DLG2: variants seen among roughly 807,000 people sequenced by gnomAD.
DLG2 encodes the protein discs large MAGUK scaffold protein 2.
Under a neutral mutation model 132.5 loss-of-function variants are expected in DLG2, and 45 were observed. The ratio of observed to expected loss-of-function variants is 0.34; its 90% CI spans 0.27 to 0.44. DLG2 has a LOEUF of 0.44. DLG2 is among the 20% of genes least tolerant of loss of function. DLG2 has a pLI of 1.00. For synonymous variants in DLG2, 424 were observed against 419.6 expected (o/e 1.01, Z -0.13); for missense variants, 1,045 against 1,196.9 (o/e 0.87, Z 1.87).
chr11:83,571,250 C>T (rs1306427507), intron 19 of DLG2, among the ~76,000 whole-genome samples: 1 of 151,876 alleles, frequency 6.6e-6, no homozygotes, highest in Non-Finnish European at 1.5e-5. Context: ...TATTCAAGTA[C>T]TTTAACTCAA....
intron 4 of DLG2, among the ~76,000 whole-genome samples, chr11:85,166,384 G>T (rs1279127659): frequency 2.0e-5 from 3 of 151,934 alleles, no homozygotes; most frequent in African/African-American, 7.2e-5. Flanking sequence ...AATCACACTG[G>T]TACCTCAAAT....
At chr11:84,289,031 T>C (rs146816916) in intron 7 of DLG2, among the ~76,000 whole-genome samples, 1 of 152,258 alleles carries the variant, frequency 6.6e-6, no homozygotes, top group East Asian at 1.9e-4. Flanking sequence ...TCATATTCTT[T>C]TGGAGTCCTT....
intron 15 of DLG2, among the ~76,000 whole-genome samples, chr11:83,909,404 G>A (rs78629640): frequency 0.014 from 2,190 of 152,204 alleles, 50 homozygotes; most frequent in African/African-American, 0.05. Flanking sequence ...ATAATAATTC[G>A]TGGCAGTAAA....
intron 3 of DLG2, among the ~76,000 whole-genome samples, chr11:85,492,599 C>A (rs780099074): frequency 6.6e-6 from 1 of 152,050 alleles, no homozygotes; most frequent in Non-Finnish European, 1.5e-5. Context: ...TGGAGAAGTA[C>A]AGAAAATAGA....
intron 17 of DLG2, among the ~76,000 whole-genome samples, chr11:83,811,544 C>T (rs1240865822): frequency 3.3e-5 from 5 of 152,056 alleles, no homozygotes; most frequent in Non-Finnish European, 7.4e-5. Flanking sequence ...TATTTCCTCA[C>T]TAAAAAGTAT....
chr11:85,456,541 T>G (rs2092428437), intron 3 of DLG2, among the ~76,000 whole-genome samples: 1 of 152,164 alleles, frequency 6.6e-6, no homozygotes, highest in Non-Finnish European at 1.5e-5. Context: ...TGTCTCTAGT[T>G]TCTCAAGGTG....
chr11:85,383,242 G>T (rs930189990), intron 3 of DLG2, among the ~76,000 whole-genome samples: 1 of 152,132 alleles, frequency 6.6e-6, no homozygotes, highest in Admixed American at 6.6e-5. Flanking sequence ...CATGTTGTAT[G>T]ATTTCATTTA....
intron 7 of DLG2, among the ~76,000 whole-genome samples, chr11:84,357,045 C>T (rs528887176): frequency 9.2e-5 from 14 of 151,844 alleles, no homozygotes; most frequent in Admixed American, 3.9e-4. Context: ...GAGTAAGAGG[C>T]GAGGTAGGAG....
At chr11:85,493,533 G>C (rs914189348) in intron 3 of DLG2, among the ~76,000 whole-genome samples, 1 of 152,172 alleles carries the variant, frequency 6.6e-6, no homozygotes, top group Middle Eastern at 3.4e-3. Flanking sequence ...GGGTTCACTG[G>C]CATGTGTCTG....
intron 3 of DLG2, among the ~76,000 whole-genome samples, chr11:85,320,464 G>A (rs2080983881): frequency 6.6e-6 from 1 of 151,738 alleles, no homozygotes; most frequent in Non-Finnish European, 1.5e-5. Flanking sequence ...ACAGGCACAG[G>A]AATTACAGAA....
At chr11:85,096,816 C>T (rs541529022) in intron 6 of DLG2, among the ~76,000 whole-genome samples, 1 of 152,194 alleles carries the variant, frequency 6.6e-6, no homozygotes, top group East Asian at 1.9e-4. Flanking sequence ...ACCTGTCGAC[C>T]AGTTAAAAGA....
chr11:85,057,300 T>C (rs1234406168), intron 6 of DLG2, among the ~76,000 whole-genome samples: 1 of 151,706 alleles, frequency 6.6e-6, no homozygotes, highest in Non-Finnish European at 1.5e-5. Flanking sequence ...TAACCATCTA[T>C]TATAAATGAT....
intron 18 of DLG2, among the ~76,000 whole-genome samples, chr11:83,761,362 C>T (rs2093899325): frequency 6.6e-6 from 1 of 152,188 alleles, no homozygotes; most frequent in African/African-American, 2.4e-5. Flanking sequence ...GTTAAATTCT[C>T]CACAAATAAT....
intron 7 of DLG2, among the ~76,000 whole-genome samples, chr11:84,312,859 A>C (rs2098302569): frequency 1.3e-5 from 2 of 152,156 alleles, no homozygotes; most frequent in South Asian, 2.1e-4. Flanking sequence ...CACCAGGCTG[A>C]AGTGCAATGG....
At chr11:83,533,174 CTTCT>C (rs2095800450) in intron 20 of DLG2, among the ~76,000 whole-genome samples, 1 of 151,996 alleles carries the variant, frequency 6.6e-6, no homozygotes, top group Non-Finnish European at 1.5e-5. Context: ...CTCCCTTTTT[CTTCT>C]TTGTTTTTCC....
chr11:84,183,075 T>G (rs946089641), intron 8 of DLG2, among the ~76,000 whole-genome samples: 3 of 152,160 alleles, frequency 2.0e-5, no homozygotes, highest in Admixed American at 1.3e-4. Context: ...TTATATCTAT[T>G]GAAGAAATTG....
At chr11:84,328,498 T>C (rs2098443835) in intron 7 of DLG2, among the ~76,000 whole-genome samples, 1 of 152,226 alleles carries the variant, frequency 6.6e-6, no homozygotes, top group African/African-American at 2.4e-5. Context: ...CTCCTTGAAG[T>C]AGAGTGCCTG....
rs184493622 is a variant in DLG2, at chr11:83,516,960, T to G, written c.2193+15748A>C. Among the ~76,000 whole-genome samples, 294 of 152,328 alleles carry G rather than the reference T, an allele frequency of 1.9e-3. 4 individuals carry two copies. Among genetic ancestry groups the G allele is most frequent in the African/African-American group, 6.8e-3 (284 of 41,572 alleles). On this transcript the variant is annotated intron_variant, in intron 21 of 27. Transcript: ENST00000376104. ...TTCTCTCTGGCTGCCCTTAACATTTTTTTCTTCATTACAACTTTGGTGAAT... is the reference window on the plus strand; with the variant it reads ...TTCTCTCTGGCTGCCCTTAACATTTGTTTCTTCATTACAACTTTGGTGAAT...
intron 3 of DLG2, among the ~76,000 whole-genome samples, chr11:85,561,556 G>C (rs1309040913): frequency 6.6e-6 from 1 of 151,488 alleles, no homozygotes; most frequent in East Asian, 1.9e-4. Context: ...AAAATCTGAA[G>C]TAATAGTACA....
Sources: allele counts gnomAD v4.1 joint callset (sites outside exome capture counted in the v4.1 genomes callset), GRCh38; gene constraint gnomAD v4.1.1; transcripts MANE v1.5; gene names NCBI Gene and HGNC (gene_info 2026-07-23, HGNC 2026-07-21).